The following WWOX variants were observed in gnomAD, a reference collection of about 807,000 sequenced individuals.
The protein encoded by WWOX is WW domain containing oxidoreductase, also known as WW domain-containing oxidoreductase.
A neutral mutation model predicts 46.2 loss-of-function variants in WWOX; 69 were observed. The observed-to-expected ratio is 1.49, with a 90% CI of 1.23 to 1.82. The LOEUF (loss-of-function observed/expected upper bound fraction) is 1.82, where lower values mean the gene tolerates loss of function less well. WWOX is among the 40% of genes most tolerant of loss of function. The probability of loss-of-function intolerance (pLI) is 0.00; values close to 1 mark genes in which losing one functional copy is unlikely to be tolerated. For synonymous variants in WWOX, 359 were observed against 202.6 expected (o/e 1.77, Z -6.56); for missense variants, 919 against 542.6 (o/e 1.69, Z -6.89).
At chr16:78,884,699 G>A (rs12918342) in intron 8 of WWOX, among the ~76,000 whole-genome samples, 19,087 of 152,102 alleles carry the variant, frequency 0.13, 1,778 homozygotes, top group African/African-American at 0.25. Flanking sequence ...AGTGTCCTCC[G>A]TCATGTTGCT....
intron 5 of WWOX, among the ~76,000 whole-genome samples, chr16:78,290,973 A>G (rs1217697000): frequency 1.3e-5 from 2 of 151,926 alleles, no homozygotes; most frequent in Non-Finnish European, 2.9e-5. Context: ...CAGTTTCTTA[A>G]CCCTTTAAGA....
intron 8 of WWOX, among the ~76,000 whole-genome samples, chr16:79,209,856 A>G (rs897126009): frequency 3.9e-5 from 6 of 152,216 alleles, no homozygotes; most frequent in Non-Finnish European, 7.3e-5. Context: ...CAGGGTTATT[A>G]GGAATAATAA....
intron 6 of WWOX, among the ~76,000 whole-genome samples, chr16:78,405,189 T>C (rs1364579994): frequency 2.6e-5 from 4 of 152,200 alleles, no homozygotes; most frequent in African/African-American, 9.7e-5. Context: ...ACTGATGTTC[T>C]GGAATTCACT....
chr16:78,490,123 T>G, intron 8 of WWOX, among the ~76,000 whole-genome samples: 1 of 88,180 alleles, frequency 1.1e-5, no homozygotes, highest in Admixed American at 1.7e-4. Context: ...TTGTTCAGAT[T>G]GGGGAAAAAA....
At chr16:79,193,786 G>A (rs378819) in intron 8 of WWOX, among the ~76,000 whole-genome samples, 105,706 of 151,960 alleles carry the variant, frequency 0.7, 37,917 homozygotes, top group Non-Finnish European at 0.8. Context: ...CCTCACAAAG[G>A]GGGTGGCAGC....
intron 8 of WWOX, among the ~76,000 whole-genome samples, chr16:79,117,909 G>C (rs1391073457): frequency 6.6e-6 from 1 of 152,220 alleles, no homozygotes; most frequent in African/African-American, 2.4e-5. Context: ...GTTGTGGCTG[G>C]TTTGATCCTG....
intron 8 of WWOX, among the ~76,000 whole-genome samples, chr16:78,448,637 A>G (rs936156553): frequency 1.3e-5 from 2 of 152,200 alleles, no homozygotes; most frequent in Non-Finnish European, 2.9e-5. Flanking sequence ...CAAATTCACA[A>G]ATCAGCTTCT....
intron 8 of WWOX, among the ~76,000 whole-genome samples, chr16:78,579,074 A>T (rs2151585713): frequency 6.6e-6 from 1 of 151,942 alleles, no homozygotes; most frequent in Middle Eastern, 3.4e-3. Context: ...TTTTCTTGTC[A>T]GCCACTTCAT....
intron 6 of WWOX, among the ~76,000 whole-genome samples, chr16:78,393,507 T>A (rs1322823732): frequency 6.6e-6 from 1 of 152,180 alleles, no homozygotes; most frequent in Non-Finnish European, 1.5e-5. Flanking sequence ...TTACAAAATT[T>A]TTTAAAAAAC....
chr16:78,201,468 C>G (rs984288902), intron 5 of WWOX, among the ~76,000 whole-genome samples: 4 of 151,974 alleles, frequency 2.6e-5, no homozygotes, highest in Admixed American at 1.3e-4. Context: ...TTTGGCAAAA[C>G]CAAATAAATG....
intron 8 of WWOX, among the ~76,000 whole-genome samples, chr16:78,815,826 A>G (rs554413139): frequency 2.8e-4 from 43 of 152,286 alleles, no homozygotes; most frequent in African/African-American, 9.6e-4. Flanking sequence ...TTGGCTGCCT[A>G]TGAGTCCATG....
At chr16:78,636,184 T>C (rs1199114584) in intron 8 of WWOX, among the ~76,000 whole-genome samples, 2 of 152,128 alleles carry the variant, frequency 1.3e-5, no homozygotes, top group African/African-American at 4.8e-5. Context: ...CAGGTTATTA[T>C]TGATAAGGAC....
At chr16:78,874,530 A>G (rs147207429) in intron 8 of WWOX, among the ~76,000 whole-genome samples, 10 of 152,196 alleles carry the variant, frequency 6.6e-5, no homozygotes, top group African/African-American at 1.9e-4. Context: ...AGCGCCTGGT[A>G]TACAGGAAGA....
At chr16:78,346,508 A>G (rs9923073) in intron 5 of WWOX, among the ~76,000 whole-genome samples, 23,951 of 118,926 alleles carry the variant, frequency 0.2, 7,858 homozygotes, top group Non-Finnish European at 0.26. Flanking sequence ...CCCATTTTAC[A>G]TTCTTGCCAA....
intron 8 of WWOX, among the ~76,000 whole-genome samples, chr16:78,589,986 A>G (rs1004035414): frequency 8.5e-5 from 13 of 152,270 alleles, no homozygotes; most frequent in East Asian, 5.8e-4. Flanking sequence ...CCTGAAGGCT[A>G]TGGTCACTCA....
At chr16:78,333,801 T>G (rs1690000180) in intron 5 of WWOX, among the ~76,000 whole-genome samples, 1 of 152,246 alleles carries the variant, frequency 6.6e-6, no homozygotes, top group African/African-American at 2.4e-5. Flanking sequence ...TTTGTTTTCT[T>G]GAAGACATAC....
chr16:78,422,830 T>C (rs1163692078), intron 6 of WWOX, among the ~76,000 whole-genome samples: 1 of 115,120 alleles, frequency 8.7e-6, no homozygotes, highest in Non-Finnish European at 1.6e-5. Flanking sequence ...CACACACATA[T>C]ATATATATAC....
chr16:78,358,081 C>G (rs889833979), intron 5 of WWOX, among the ~76,000 whole-genome samples: 2 of 152,178 alleles, frequency 1.3e-5, no homozygotes, highest in African/African-American at 4.8e-5. Context: ...ACACTTGGAA[C>G]TAGTTCTTTG....
chr16:78,212,801 G>A (rs2036598405), intron 5 of WWOX, among the ~76,000 whole-genome samples: 1 of 152,154 alleles, frequency 6.6e-6, no homozygotes, highest in African/African-American at 2.4e-5. Context: ...ATGGAACACA[G>A]GATGGAACTT....
Sources: gnomAD v4.1 joint callset for allele counts (sites outside exome capture counted in the v4.1 genomes callset) on GRCh38, gnomAD v4.1.1 for gene constraint, MANE v1.5 for transcripts, NCBI Gene and HGNC (gene_info 2026-07-23, HGNC 2026-07-21) for gene names.